The following PLCB1 variants were observed in gnomAD, a reference collection of about 807,000 sequenced individuals.
The protein encoded by PLCB1 is phospholipase C beta 1, also known as 1-phosphatidylinositol 4,5-bisphosphate phosphodiesterase beta-1.
PLCB1 carries 46 observed loss-of-function variants against 161.8 expected under a neutral mutation model. The ratio of observed to expected loss-of-function variants is 0.28; its 90% confidence interval spans 0.22 to 0.36. The LOEUF is 0.36. Among genes scored for constraint, PLCB1 ranks in the 10% least tolerant of loss-of-function variants. PLCB1 has a pLI of 1.00. For synonymous variants in PLCB1, 517 were observed against 503.7 expected, an observed-to-expected ratio of 1.03 and a Z score of -0.35; for missense variants, 1,016 against 1,472.5, an observed-to-expected ratio of 0.69 and a Z score of 5.07.
intron 2 of PLCB1, among the ~76,000 whole-genome samples, chr20:8,170,666 G>A (rs1399588793): frequency 6.6e-6 from 1 of 151,932 alleles, no homozygotes; most frequent in East Asian, 1.9e-4. Context: ...GAAGGAAGGC[G>A]ACCTTTAATC....
At chr20:8,267,076 G>C (rs150739956) in intron 2 of PLCB1, among the ~76,000 whole-genome samples, 1,922 of 151,982 alleles carry the variant, frequency 0.013, 40 homozygotes, top group African/African-American at 0.044. Flanking sequence ...GGGTACATCT[G>C]GGATGACCGT....
chr20:8,143,947 C>T (rs1389774581), intron 1 of PLCB1, among the ~76,000 whole-genome samples: 1 of 152,024 alleles, frequency 6.6e-6, no homozygotes, highest in African/African-American at 2.4e-5. Flanking sequence ...TAGCAGTATC[C>T]CTCGCTCTAG....
At chr20:8,602,428 A>C (rs1336818985) in intron 3 of PLCB1, among the ~76,000 whole-genome samples, 1 of 152,230 alleles carries the variant, frequency 6.6e-6, no homozygotes, top group African/African-American at 2.4e-5. Flanking sequence ...GTCAATGGTG[A>C]ATTAACATGA....
intron 15 of PLCB1, among the ~76,000 whole-genome samples, chr20:8,722,649 TA>T (rs1448338917): frequency 1.3e-5 from 2 of 152,204 alleles, no homozygotes; most frequent in Non-Finnish European, 2.9e-5. Flanking sequence ...TGCATTGTTT[TA>T]ATTTTGGAAC....
At chr20:8,364,787 G>A (rs182596385) in intron 2 of PLCB1, among the ~76,000 whole-genome samples, 16 of 152,172 alleles carry the variant, frequency 1.1e-4, no homozygotes, top group South Asian at 4.1e-4. Context: ...ACACATGAAC[G>A]TTTTCATTGC....
chr20:8,594,801 C>G (rs1000193559), intron 3 of PLCB1, among the ~76,000 whole-genome samples: 1 of 152,058 alleles, frequency 6.6e-6, no homozygotes, highest in Non-Finnish European at 1.5e-5. Flanking sequence ...AATATTTAAC[C>G]AAGTGTACCT....
intron 2 of PLCB1, among the ~76,000 whole-genome samples, chr20:8,304,716 A>G (rs1002257555): frequency 6.6e-6 from 1 of 152,058 alleles, no homozygotes; most frequent in Non-Finnish European, 1.5e-5. Context: ...GCCAATACAT[A>G]CAGAATGCTT....
At chr20:8,441,783 G>T (rs1383436359) in intron 3 of PLCB1, among the ~76,000 whole-genome samples, 2 of 152,134 alleles carry the variant, frequency 1.3e-5, no homozygotes, top group African/African-American at 4.8e-5. Flanking sequence ...CTTAGGGAAG[G>T]ATGATCATGA....
At chr20:8,810,671 C>T (rs1984771752) in intron 31 of PLCB1, among the ~76,000 whole-genome samples, 1 of 151,978 alleles carries the variant, frequency 6.6e-6, no homozygotes, top group African/African-American at 2.4e-5. Context: ...AACTTGAAAA[C>T]GTCTGGTAGA....
At chr20:8,661,691 G>A (rs564199140) in intron 9 of PLCB1, among the ~76,000 whole-genome samples, 59 of 151,676 alleles carry the variant, frequency 3.9e-4, no homozygotes, top group East Asian at 2.1e-3. Context: ...TTAGTTCAGC[G>A]CACACTAGTC....
intron 2 of PLCB1, among the ~76,000 whole-genome samples, chr20:8,324,202 GTGTGTGTGTGTGTGTGT>G (rs1985046641): frequency 1.7e-3 from 5 of 2,930 alleles, no homozygotes; most frequent in Non-Finnish European, 5.4e-3. Context: ...TGGTAGGGGT[GTGTGTGTGTGTGTGTGT>G]GTGTGTGTGT....
At chr20:8,812,212 G>A (rs1984858877) in intron 31 of PLCB1, among the ~76,000 whole-genome samples, 1 of 152,134 alleles carries the variant, frequency 6.6e-6, no homozygotes, top group South Asian at 2.1e-4. Context: ...TCAGGCCTTG[G>A]AATCGTTGGA....
Position 8,134,868 on chromosome 20 carries a change from T to A in PLCB1, c.99+2118T>A, listed in dbSNP as rs866452422. ...GACCAGAAGAATTTCAGGTCTTTTTTAAAAAAAAAAAAAAAACCTAGACTG... is the reference window on the plus strand; with the variant it reads ...GACCAGAAGAATTTCAGGTCTTTTTAAAAAAAAAAAAAAAAACCTAGACTG... On this transcript the variant is annotated intron_variant, in intron 1 of 31. Coordinates refer to ENST00000338037, the MANE Select transcript of PLCB1 (RefSeq NM_015192.4). 2.4e-3 allele frequency among the ~76,000 whole-genome samples: 330 copies of A among 139,796 alleles called. 1 individual carries two copies. The highest frequency in any genetic ancestry group is 7.6e-3 in the Middle Eastern group (2 of 262). 91.7% of individuals were successfully genotyped at this position (139,796 alleles called of 152,430 possible). A position where few individuals can be genotyped will look rare whatever the true frequency, so the allele number is the denominator to read the frequency against.
At chr20:8,134,395 A>G (rs907291615) in intron 1 of PLCB1, among the ~76,000 whole-genome samples, 4 of 152,244 alleles carry the variant, frequency 2.6e-5, no homozygotes, top group Non-Finnish European at 5.9e-5. Context: ...TAAGCTCTGG[A>G]TTTGTATACA....
chr20:8,613,986 A>C (rs1190343479), intron 3 of PLCB1, among the ~76,000 whole-genome samples: 1 of 152,160 alleles, frequency 6.6e-6, no homozygotes, highest in Non-Finnish European at 1.5e-5. Flanking sequence ...TAAACACTTA[A>C]GCAGCCCAAA....
At chr20:8,266,914 C>A (rs1258462426) in intron 2 of PLCB1, among the ~76,000 whole-genome samples, 2 of 151,960 alleles carry the variant, frequency 1.3e-5, no homozygotes, top group African/African-American at 2.4e-5. Context: ...TGGCAGGCAC[C>A]CATAATTCCA....
intron 3 of PLCB1, among the ~76,000 whole-genome samples, chr20:8,458,795 A>T (rs1274238787): frequency 6.6e-6 from 1 of 152,222 alleles, no homozygotes. Flanking sequence ...TATCCCACTT[A>T]ACAAGAGTAA....
In PLCB1 at chr20:8,301,746, C is replaced by T. The variant is rs73895772; in HGVS notation, c.178-69636C>T. On this transcript the variant is annotated intron_variant, in intron 2 of 31. Transcript: ENST00000338037. Reference sequence around the variant, plus strand: ...ATTTAAAATGTGCAAATGCTTTGACCCAGTACATTTGCTTTGAAGGATTTA... The same window carrying T: ...ATTTAAAATGTGCAAATGCTTTGACTCAGTACATTTGCTTTGAAGGATTTA... Among the ~76,000 whole-genome samples, 1,139 of 152,286 alleles carry T rather than the reference C, an allele frequency of 7.5e-3. 15 individuals carry two copies. Among genetic ancestry groups the T allele is most frequent in the African/African-American group, 0.025 (1,039 of 41,560 alleles).
Position 8,661,557 on chromosome 20 carries a change from A to C in PLCB1, c.862+2853A>C, listed in dbSNP as rs146809281. 1.8e-3 allele frequency among the ~76,000 whole-genome samples: 276 copies of C among 152,156 alleles called. 1 individual carries two copies. The highest frequency in any genetic ancestry group is 6.6e-3 in the African/African-American group (273 of 41,524). Reference sequence around the variant, plus strand: ...CCATATGAAAGAAATTCAACTCTTGAGGAGTTAAAAGTCAAATTACAAAGA... The same window carrying C: ...CCATATGAAAGAAATTCAACTCTTGCGGAGTTAAAAGTCAAATTACAAAGA... On this transcript the variant is annotated intron_variant, in intron 9 of 31. Coordinates refer to ENST00000338037, the MANE Select transcript of PLCB1 (RefSeq NM_015192.4).
Sources: gnomAD v4.1 joint callset for allele counts (sites outside exome capture counted in the v4.1 genomes callset) on GRCh38, gnomAD v4.1.1 for gene constraint, MANE v1.5 for transcripts, NCBI Gene and HGNC (gene_info 2026-07-23, HGNC 2026-07-21) for gene names.